Variants in PDE1C observed in about 807,000 individuals in gnomAD.
PDE1C encodes the protein phosphodiesterase 1C, also known as dual specificity calcium/calmodulin-dependent 3',5'-cyclic nucleotide phosphodiesterase 1C.
A neutral mutation model predicts 93.1 loss-of-function variants in PDE1C; 62 were observed. The ratio of observed to expected loss-of-function variants is 0.67; its 90% confidence interval spans 0.54 to 0.82. The LOEUF (loss-of-function observed/expected upper bound fraction) is 0.82, where lower values mean the gene tolerates loss of function less well. PDE1C is among the 40% of genes least tolerant of loss of function. PDE1C has a pLI of 0.00. For synonymous variants in PDE1C, 325 were observed against 310.1 expected (o/e 1.05, Z -0.50); for missense variants, 742 against 884.6 (o/e 0.84, Z 2.04).
At chr7:31,809,515 G>A (rs1378736353) in intron 15 of PDE1C, among the ~76,000 whole-genome samples, 2 of 152,006 alleles carry the variant, frequency 1.3e-5, no homozygotes, top group Non-Finnish European at 2.9e-5. Flanking sequence ...GGATAAATTA[G>A]AAGGCATATC....
chr7:32,058,299 C>T (rs1358010403), intron 1 of PDE1C, among the ~76,000 whole-genome samples: 1 of 152,154 alleles, frequency 6.6e-6, no homozygotes, highest in Non-Finnish European at 1.5e-5. Context: ...GGTTCTCAGC[C>T]CTCAGTTCTC....
chr7:32,098,862 A>C (rs921331407), intron 3 of PDE1C, among the ~76,000 whole-genome samples: 1 of 152,198 alleles, frequency 6.6e-6, no homozygotes, highest in Non-Finnish European at 1.5e-5. Context: ...AAGAAAGTAG[A>C]ATGGTGGCAG....
intron 14 of PDE1C, 106 bp from the exon 15 acceptor site, chr7:31,816,260 G>T: frequency 1.0e-6 from 1 of 1,004,482 alleles, no homozygotes; most frequent in Non-Finnish European, 1.5e-6. Flanking sequence ...GGTGTTTACT[G>T]AGTGTTTGGG....
the PDE1C span, among the ~76,000 whole-genome samples, chr7:31,695,283 T>C: frequency 6.6e-6 from 1 of 152,206 alleles, no homozygotes; most frequent in African/African-American, 2.4e-5. Flanking sequence ...TTTTCGATTT[T>C]GTTATATGAA....
chr7:32,102,939 T>G (rs1400092076), intron 3 of PDE1C, among the ~76,000 whole-genome samples: 3 of 152,112 alleles, frequency 2.0e-5, no homozygotes, highest in Non-Finnish European at 2.9e-5. Flanking sequence ...CCAGATGACT[T>G]AGGAGTGCAT....
intron 2 of PDE1C, among the ~76,000 whole-genome samples, chr7:31,987,489 T>C (rs757735982): frequency 1.2e-4 from 19 of 152,010 alleles, no homozygotes; most frequent in Non-Finnish European, 1.9e-4. Flanking sequence ...CCCACAAGCC[T>C]AAAGAGAAAA....
intron 1 of PDE1C, among the ~76,000 whole-genome samples, chr7:32,241,433 C>T (rs1472361990): frequency 6.6e-6 from 1 of 152,078 alleles, no homozygotes; most frequent in Non-Finnish European, 1.5e-5. Flanking sequence ...AATATGATGG[C>T]TTCTGGATTT....
At chr7:31,743,425 AAGTAAGACAGGAG>A in the PDE1C span, among the ~76,000 whole-genome samples, 1 of 152,118 alleles carries the variant, frequency 6.6e-6, no homozygotes, top group Non-Finnish European at 1.5e-5. Context: ...GCCCTGCCAC[AAGTAAGACAGGAG>A]AGTCAATAGG....
chr7:31,734,724 G>A, the PDE1C span, among the ~76,000 whole-genome samples: 151,169 of 152,318 alleles, frequency 0.99, 75,020 homozygotes, highest in East Asian at 1. Context: ...GGCTTGAGAA[G>A]CTGTGAGGCC....
the PDE1C span, among the ~76,000 whole-genome samples, chr7:31,646,337 T>C: frequency 6.6e-6 from 1 of 152,140 alleles, no homozygotes; most frequent in Non-Finnish European, 1.5e-5. Flanking sequence ...CTGATGAATT[T>C]GCAGGAGCAT....
intron 16 of PDE1C, among the ~76,000 whole-genome samples, chr7:31,777,314 T>G (rs17160536): frequency 0.081 from 12,273 of 151,942 alleles, 1,207 homozygotes; most frequent in African/African-American, 0.22. Flanking sequence ...TGACGTTTGA[T>G]ATCGTTCCAT....
At chr7:31,951,371 C>CCT (rs1157847426) in intron 2 of PDE1C, among the ~76,000 whole-genome samples, 1 of 152,206 alleles carries the variant, frequency 6.6e-6, no homozygotes, top group African/African-American at 2.4e-5. Context: ...AGGTTCCAAA[C>CCT]CTATCACGGC....
intron 11 of PDE1C, among the ~76,000 whole-genome samples, chr7:31,835,912 A>G (rs907186456): frequency 1.3e-5 from 2 of 152,156 alleles, no homozygotes; most frequent in Admixed American, 6.5e-5. Flanking sequence ...AAGAGTAAGA[A>G]TTATCACAAT....
At chr7:31,989,703 C>A (rs73314698) in intron 2 of PDE1C, among the ~76,000 whole-genome samples, 1 of 152,106 alleles carries the variant, frequency 6.6e-6, no homozygotes, top group African/African-American at 2.4e-5. Flanking sequence ...AGTTAGCCTC[C>A]GATTGGTTAA....
At chr7:32,078,690 C>T (rs936870881) in intron 3 of PDE1C, among the ~76,000 whole-genome samples, 2 of 152,036 alleles carry the variant, frequency 1.3e-5, no homozygotes, top group Non-Finnish European at 1.5e-5. Context: ...TTTGGGAGGC[C>T]GAGGCAGGAG....
chr7:31,838,705 C>G (rs1791432445), intron 9 of PDE1C, among the ~76,000 whole-genome samples: 1 of 152,236 alleles, frequency 6.6e-6, no homozygotes, highest in East Asian at 1.9e-4. Flanking sequence ...CCCTCAACCC[C>G]TGCCAATCAC....
At chr7:31,657,052 C>A in the PDE1C span, among the ~76,000 whole-genome samples, 3 of 70,224 alleles carry the variant, frequency 4.3e-5, no homozygotes, top group Admixed American at 3.4e-4. Flanking sequence ...CACACACACA[C>A]ACGCACTATA....
intron 3 of PDE1C, among the ~76,000 whole-genome samples, chr7:32,162,561 G>A (rs1350639866): frequency 1.4e-5 from 2 of 147,310 alleles, no homozygotes; most frequent in Non-Finnish European, 3.0e-5. Context: ...GTCTGAGACT[G>A]TACTGCAGCT....
chr7:32,074,947 C>T (rs1398406003), upstream of PDE1C, among the ~76,000 whole-genome samples: 1 of 152,160 alleles, frequency 6.6e-6, no homozygotes, highest in Non-Finnish European at 1.5e-5. Flanking sequence ...TGGGCTCTCT[C>T]CTATAGATGT....
Sources: allele counts gnomAD v4.1 joint callset (sites outside exome capture counted in the v4.1 genomes callset), GRCh38; gene constraint gnomAD v4.1.1; transcripts MANE v1.5; gene names NCBI Gene and HGNC (gene_info 2026-07-23, HGNC 2026-07-21).